Variants in ARSB observed in about 807,000 individuals in gnomAD.
The protein encoded by ARSB is arylsulfatase B.
Under a neutral mutation model 50.9 loss-of-function variants are expected in ARSB, and 41 were observed. The ratio of observed to expected loss-of-function variants is 0.81; its 90% confidence interval spans 0.63 to 1.04. The LOEUF is 1.04. Among genes scored for constraint, ARSB ranks in the 50% least tolerant of loss-of-function variants. The pLI is 0.00. For synonymous variants in ARSB, 269 were observed against 284.8 expected (o/e 0.94, Z 0.56); for missense variants, 672 against 693.3 (o/e 0.97, Z 0.35).
At chr5:78,944,715 C>T (rs1242511461) in intron 4 of ARSB, among the ~76,000 whole-genome samples, 1 of 152,216 alleles carries the variant, frequency 6.6e-6, no homozygotes, top group Non-Finnish European at 1.5e-5. Context: ...TGTTAGGCTA[C>T]TCGGGGGTCA....
At chr5:78,852,259 C>A (rs1007923130) in intron 5 of ARSB, among the ~76,000 whole-genome samples, 1 of 152,164 alleles carries the variant, frequency 6.6e-6, no homozygotes, top group Non-Finnish European at 1.5e-5. Context: ...CTGGTGGTGA[C>A]AAAATCTCTC....
intron 1 of ARSB, among the ~76,000 whole-genome samples, chr5:78,981,769 C>T (rs1429666189): frequency 1.3e-5 from 2 of 152,300 alleles, no homozygotes; most frequent in East Asian, 3.9e-4. Flanking sequence ...AAAACTAAAA[C>T]TCAGGATTTC....
intron 1 of ARSB, among the ~76,000 whole-genome samples, chr5:78,979,993 T>C (rs566933711): frequency 2.5e-4 from 38 of 152,304 alleles, no homozygotes; most frequent in South Asian, 2.1e-3. Flanking sequence ...TGCTACAACA[T>C]AGATGAAAGG....
At chr5:78,866,846 T>C (rs1746778468) in intron 5 of ARSB, among the ~76,000 whole-genome samples, 1 of 152,238 alleles carries the variant, frequency 6.6e-6, no homozygotes, top group East Asian at 1.9e-4. Context: ...AGTTCCGGTC[T>C]ACGGCTCCCA....
At chr5:78,788,065 G>C (rs905802928) in intron 6 of ARSB, among the ~76,000 whole-genome samples, 7 of 152,336 alleles carry the variant, frequency 4.6e-5, no homozygotes, top group African/African-American at 1.4e-4. Flanking sequence ...TTCAGATGGC[G>C]AATCAGAAGA....
intron 4 of ARSB, among the ~76,000 whole-genome samples, chr5:78,889,272 T>C (rs141993858): frequency 2.0e-5 from 3 of 152,328 alleles, no homozygotes; most frequent in Non-Finnish European, 4.4e-5. Context: ...CTCACTGAAG[T>C]TTGACATAAA....
chr5:78,938,635 T>C (rs1017349408), intron 4 of ARSB, among the ~76,000 whole-genome samples: 7 of 152,226 alleles, frequency 4.6e-5, no homozygotes, highest in Non-Finnish European at 7.3e-5. Context: ...TAATATTTTA[T>C]AAGTCTGCCA....
chr5:78,924,902 A>G (rs764083097), intron 4 of ARSB, among the ~76,000 whole-genome samples: 2 of 152,232 alleles, frequency 1.3e-5, no homozygotes, highest in Non-Finnish European at 2.9e-5. Context: ...CTTACTCTCT[A>G]CACACTGTAT....
intron 4 of ARSB, among the ~76,000 whole-genome samples, chr5:78,950,500 TA>T (rs1751449796): frequency 6.6e-6 from 1 of 151,938 alleles, no homozygotes; most frequent in South Asian, 2.1e-4. Context: ...CAGAAGACAA[TA>T]GGCAGGAAAA....
At chr5:78,936,328 T>G (rs1750599327) in intron 4 of ARSB, among the ~76,000 whole-genome samples, 1 of 151,554 alleles carries the variant, frequency 6.6e-6, no homozygotes, top group South Asian at 2.1e-4. Context: ...TTTGCCATGT[T>G]GGCCAGGCTG....
At chr5:78,797,926 C>A (rs531363187) in intron 6 of ARSB, among the ~76,000 whole-genome samples, 2 of 152,062 alleles carry the variant, frequency 1.3e-5, no homozygotes, top group African/African-American at 4.8e-5. Context: ...GAAGGGGCCT[C>A]TAAAAGGCTG....
rs1158516742 is a variant in ARSB at position 78,955,197 on chromosome 5, T to C, written c.898+98A>G. 1.7e-5 allele frequency: 20 copies of C among 1,188,602 alleles called. No individual in the cohort carries two copies. In the South Asian group the frequency reaches 2.1e-4, roughly 12 times the overall value. 73.6% of individuals were successfully genotyped at this position (1,188,602 alleles called of 1,614,324 possible). On this transcript the variant is annotated intron_variant, in intron 4 of 7. Coordinates refer to ENST00000264914, the MANE Select transcript of ARSB (RefSeq NM_000046.5). ...CTATTGCAGTTTGCATTTATTTTAA[T>C]AAGGCAATGCTAACCGCTCCAATTT...
intron 1 of ARSB, among the ~76,000 whole-genome samples, chr5:78,969,901 A>G (rs486880): frequency 0.81 from 123,431 of 152,254 alleles, 50,254 homozygotes; most frequent in African/African-American, 0.84. Flanking sequence ...TTACAGGCTT[A>G]AGCCACCGTG....
rs116336341 is a variant in ARSB, at chr5:78,888,879, A to T, written c.899-3052T>A. Among the ~76,000 whole-genome samples, 363 of 152,374 alleles carry T rather than the reference A, an allele frequency of 2.4e-3. 3 individuals carry two copies. The highest frequency in any genetic ancestry group is 8.2e-3 in the African/African-American group (340 of 41,590). ...CTGTGATGTTTTGCCATTAGCAATA[A>T]GCGATTCTATCAACAGTTATTCTTT... On this transcript the variant is annotated intron_variant, in intron 4 of 7. Transcript: ENST00000264914.
chr5:78,821,809 CAT>C (rs746577693), intron 6 of ARSB, among the ~76,000 whole-genome samples: 47 of 152,308 alleles, frequency 3.1e-4, no homozygotes, highest in African/African-American at 3.6e-4. Flanking sequence ...TTTTCTACCA[CAT>C]GTTTCTTTAA....
At chr5:78,975,228 G>A (rs1752615269) in intron 1 of ARSB, among the ~76,000 whole-genome samples, 1 of 152,240 alleles carries the variant, frequency 6.6e-6, no homozygotes, top group Admixed American at 6.5e-5. Context: ...AGGGCGAGGA[G>A]GACAAGAAGC....
At chr5:78,815,953 G>A (rs1743969859) in intron 6 of ARSB, 8 of 1,544,320 alleles carry the variant, frequency 5.2e-6, no homozygotes, top group Admixed American at 1.8e-5. Flanking sequence ...TATGATGCCA[G>A]GTTCCTAGTT....
chr5:78,978,680 A>T (rs1752770816), intron 1 of ARSB, among the ~76,000 whole-genome samples: 1 of 152,260 alleles, frequency 6.6e-6, no homozygotes, highest in Non-Finnish European at 1.5e-5. Flanking sequence ...TCAATGGAAT[A>T]GAATTGTAAG....
chr5:78,852,051 C>T (rs1028042601), intron 5 of ARSB, among the ~76,000 whole-genome samples: 35 of 152,246 alleles, frequency 2.3e-4, no homozygotes, highest in South Asian at 2.1e-4. Flanking sequence ...GAGCATTTAG[C>T]CCATTTACAT....
Sources: gnomAD v4.1 joint callset for allele counts (sites outside exome capture counted in the v4.1 genomes callset) on GRCh38, gnomAD v4.1.1 for gene constraint, MANE v1.5 for transcripts, NCBI Gene and HGNC (gene_info 2026-07-23, HGNC 2026-07-21) for gene names.